Variants in APP observed in about 807,000 individuals in gnomAD.
The protein encoded by APP is amyloid-beta precursor protein.
A neutral mutation model predicts 101.4 loss-of-function variants in APP; 31 were observed. The observed-to-expected ratio is 0.31, with a 90% CI of 0.23 to 0.41. APP has a LOEUF of 0.41. Ranked by LOEUF, APP falls within the 10% of genes least tolerant of loss-of-function variation. The probability of loss-of-function intolerance (pLI) is 1.00; values close to 1 mark genes in which losing one functional copy is unlikely to be tolerated. For missense variants in APP, 839 were observed against 1,003.7 expected (o/e 0.84, Z 2.22); for synonymous variants, 366 against 364.4 (o/e 1.00, Z -0.05).
At chr21:26,013,785 C>T (rs1395541003) in intron 6 of APP, among the ~76,000 whole-genome samples, 1 of 152,116 alleles carries the variant, frequency 6.6e-6, no homozygotes, top group Non-Finnish European at 1.5e-5. Context: ...AGTCTCATCA[C>T]ATTTTAAGCA....
chr21:26,111,913 G>A (rs2062332989), intron 2 of APP, 66 bp downstream of exon 2: 9 of 1,574,820 alleles, frequency 5.7e-6, no homozygotes, highest in Admixed American at 1.7e-5. Context: ...AATACAAGAA[G>A]TTAAATTTTT....
At chr21:26,078,103 C>T (rs1388966420) in intron 3 of APP, among the ~76,000 whole-genome samples, 4 of 152,136 alleles carry the variant, frequency 2.6e-5, no homozygotes, top group Non-Finnish European at 5.9e-5. Flanking sequence ...ATATTCTTTT[C>T]CTCAGTGCTA....
chr21:26,006,593 A>G (rs571843421), intron 6 of APP, among the ~76,000 whole-genome samples: 1 of 152,358 alleles, frequency 6.6e-6, no homozygotes, highest in Admixed American at 6.5e-5. Flanking sequence ...TATGCAATTC[A>G]TTGTTCAAAA....
chr21:25,952,191 T>TACACACACACACACACACACACAC (rs57270357), intron 13 of APP, among the ~76,000 whole-genome samples: 5 of 139,898 alleles, frequency 3.6e-5, no homozygotes, highest in South Asian at 2.4e-4. Context: ...ATTACATACA[T>TACACACACACACACACACACACAC]ACACACACAC....
chr21:26,088,696 T>C (rs989539812), intron 3 of APP, among the ~76,000 whole-genome samples: 3 of 152,186 alleles, frequency 2.0e-5, no homozygotes, highest in Admixed American at 1.3e-4. Flanking sequence ...AGAATTTAAG[T>C]GCTGCTTATT....
intron 5 of APP, 76 bp from the exon 6 acceptor site, chr21:26,022,118 T>A (rs2044369826): frequency 1.3e-6 from 2 of 1,543,078 alleles, no homozygotes; most frequent in South Asian, 2.2e-5. Flanking sequence ...GTCGTCCATA[T>A]GGAATTTTGG....
chr21:25,959,728 T>C (rs1292160419), intron 11 of APP, among the ~76,000 whole-genome samples: 1 of 152,224 alleles, frequency 6.6e-6, no homozygotes, highest in East Asian at 1.9e-4. Context: ...AAGATAGGAA[T>C]GTCCTCTATC....
chr21:26,087,924 C>T (rs1386532518), intron 3 of APP, among the ~76,000 whole-genome samples: 1 of 152,176 alleles, frequency 6.6e-6, no homozygotes, highest in Non-Finnish European at 1.5e-5. Flanking sequence ...AATCTTCTGA[C>T]TTGATATTGA....
At position 26,074,887 on chromosome 21, in the gene APP, A is replaced by T. The variant is rs563125219; in HGVS notation, c.355+15056T>A. 2.0e-4 allele frequency among the ~76,000 whole-genome samples: 30 copies of T among 152,332 alleles called. 1 individual carries two copies. Among genetic ancestry groups the T allele is most frequent in the African/African-American group, 7.2e-4 (30 of 41,582 alleles). On this transcript the variant is annotated intron_variant, in intron 3 of 17. Transcript: ENST00000346798. Reference sequence around the variant, plus strand: ...ACTTTTTACTAGACATGTGTAGGATAGGTTTAACCCTATTTCTGGAGTTGA... The same window carrying T: ...ACTTTTTACTAGACATGTGTAGGATTGGTTTAACCCTATTTCTGGAGTTGA...
At chr21:26,036,519 G>A (rs111288772) in intron 5 of APP, among the ~76,000 whole-genome samples, 1 of 152,276 alleles carries the variant, frequency 6.6e-6, no homozygotes, top group African/African-American at 2.4e-5. Flanking sequence ...GTATTCTGCT[G>A]GGCAGGTAAA....
intron 1 of APP, among the ~76,000 whole-genome samples, chr21:26,146,513 T>C (rs901636082): frequency 9.8e-5 from 15 of 152,378 alleles, no homozygotes; most frequent in African/African-American, 3.4e-4. Context: ...CTTTGCCTTT[T>C]TTGTCCACGT....
At chr21:25,970,830 A>G (rs1025187490) in intron 11 of APP, among the ~76,000 whole-genome samples, 2 of 152,114 alleles carry the variant, frequency 1.3e-5, no homozygotes, top group African/African-American at 4.8e-5. Context: ...GAAGAATGCC[A>G]CGAGCTCTTT....
At chr21:26,137,997 G>C (rs11701908) in intron 1 of APP, among the ~76,000 whole-genome samples, 55,628 of 151,614 alleles carry the variant, frequency 0.37, 10,995 homozygotes, top group African/African-American at 0.54. Flanking sequence ...ATTTTTTGTG[G>C]TTCTAATGGG....
chr21:26,108,905 G>T (rs1377387265), intron 2 of APP, among the ~76,000 whole-genome samples: 2 of 151,568 alleles, frequency 1.3e-5, no homozygotes, highest in Non-Finnish European at 2.9e-5. Flanking sequence ...GAAAAAAAAA[G>T]AAAAAAATAA....
intron 2 of APP, among the ~76,000 whole-genome samples, chr21:26,094,649 T>C (rs1404478434): frequency 6.7e-6 from 1 of 150,078 alleles, no homozygotes; most frequent in East Asian, 1.9e-4. Flanking sequence ...TAAATATAAA[T>C]ATAGTTCAAC....
intron 1 of APP, among the ~76,000 whole-genome samples, chr21:26,145,850 T>C (rs915391349): frequency 3.9e-5 from 6 of 152,260 alleles, no homozygotes; most frequent in Admixed American, 3.9e-4. Flanking sequence ...ATTTTAGATA[T>C]TTCTATACAT....
intron 13 of APP, chr21:25,928,834 A>G (rs1231343176): frequency 4.6e-5 from 7 of 150,626 alleles, no homozygotes; most frequent in East Asian, 1.9e-4. Context: ...GCTCATGGCA[A>G]CCTCGGCCTC....
intron 17 of APP, among the ~76,000 whole-genome samples, chr21:25,887,276 G>A (rs115360436): frequency 6.6e-6 from 1 of 152,080 alleles, no homozygotes; most frequent in Non-Finnish European, 1.5e-5. Context: ...TTGCAGGAAC[G>A]TCCTAAAACA....
intron 15 of APP, among the ~76,000 whole-genome samples, chr21:25,904,727 T>C (rs2038695375): frequency 6.8e-6 from 1 of 147,872 alleles, no homozygotes; most frequent in African/African-American, 2.7e-5. Flanking sequence ...TCTGTTTTTG[T>C]TTTGTTTTGT....
Sources: allele counts gnomAD v4.1 joint callset (sites outside exome capture counted in the v4.1 genomes callset), GRCh38; gene constraint gnomAD v4.1.1; transcripts MANE v1.5; gene names NCBI Gene and HGNC (gene_info 2026-07-23, HGNC 2026-07-21).